The following ABTB3 variants were observed in gnomAD, a reference collection of about 807,000 sequenced individuals.
ABTB3 encodes the protein ankyrin repeat and BTB domain containing 3.
At chr12:107,360,484 C>T in the ABTB3 span, among the ~76,000 whole-genome samples, 1 of 152,150 alleles carries the variant, frequency 6.6e-6, no homozygotes, top group Non-Finnish European at 1.5e-5. Context: ...TTTCTCTAGG[C>T]TATTCTAAGC....
the ABTB3 span, chr12:107,319,867 G>C: frequency 8.0e-7 from 1 of 1,247,480 alleles, no homozygotes; most frequent in Non-Finnish European, 1.0e-6. Flanking sequence ...GCGCCAGCGG[G>C]GGCAGCAGCT....
At chr12:107,522,793 AG>A in the ABTB3 span, among the ~76,000 whole-genome samples, 3 of 95,746 alleles carry the variant, frequency 3.1e-5, no homozygotes, top group Admixed American at 2.6e-4. Context: ...GAAGGAAGGG[AG>A]GGAGGGAGGG....
the ABTB3 span, among the ~76,000 whole-genome samples, chr12:107,601,157 C>A: frequency 2.6e-5 from 4 of 152,230 alleles, no homozygotes; most frequent in Non-Finnish European, 4.4e-5. Flanking sequence ...CTATTATCAT[C>A]TTCCCTGTTT....
chr12:107,611,620 T>G, the ABTB3 span, among the ~76,000 whole-genome samples: 1 of 152,348 alleles, frequency 6.6e-6, no homozygotes, highest in South Asian at 2.1e-4. Flanking sequence ...TTTACACGAG[T>G]GTTTGTTCAA....
the ABTB3 span, among the ~76,000 whole-genome samples, chr12:107,433,692 G>A: frequency 1.3e-5 from 2 of 152,194 alleles, no homozygotes; most frequent in Non-Finnish European, 2.9e-5. Context: ...TTATGTGGGA[G>A]GTGATGGTAG....
At chr12:107,496,435 G>A in the ABTB3 span, among the ~76,000 whole-genome samples, 1 of 152,136 alleles carries the variant, frequency 6.6e-6, no homozygotes, top group Admixed American at 6.5e-5. Context: ...GAGGGCAGGG[G>A]ATATAAAGAT....
chr12:107,635,387 T>C, the ABTB3 span: 3 of 1,613,506 alleles, frequency 1.9e-6, no homozygotes, highest in Non-Finnish European at 2.5e-6. Context: ...GACCTCGCGC[T>C]TGGGTGAGTG....
the ABTB3 span, among the ~76,000 whole-genome samples, chr12:107,343,567 G>T: frequency 6.6e-6 from 1 of 152,170 alleles, no homozygotes; most frequent in African/African-American, 2.4e-5. Context: ...ACAAGGTAGG[G>T]AGTTGGTTTT....
chr12:107,356,406 G>A, the ABTB3 span, among the ~76,000 whole-genome samples: 1 of 152,160 alleles, frequency 6.6e-6, no homozygotes, highest in African/African-American at 2.4e-5. Context: ...ATACGATGAG[G>A]AGGCTGGCTG....
chr12:107,585,834 C>G, the ABTB3 span, among the ~76,000 whole-genome samples: 1 of 152,164 alleles, frequency 6.6e-6, no homozygotes, highest in Non-Finnish European at 1.5e-5. Flanking sequence ...CACAGGACAT[C>G]CTCTGTGGCC....
At chr12:107,374,403 C>T in the ABTB3 span, among the ~76,000 whole-genome samples, 8,668 of 152,262 alleles carry the variant, frequency 0.057, 357 homozygotes, top group Non-Finnish European at 0.094. Flanking sequence ...CGACTCACTC[C>T]TCTCTCCTCA....
chr12:107,353,737 C>T, the ABTB3 span, among the ~76,000 whole-genome samples: 2 of 152,098 alleles, frequency 1.3e-5, no homozygotes, highest in Non-Finnish European at 2.9e-5. Context: ...AGCTCTGCCT[C>T]CTATCGGATC....
chr12:107,416,335 GA>G, the ABTB3 span, among the ~76,000 whole-genome samples: 1 of 152,098 alleles, frequency 6.6e-6, no homozygotes, highest in Non-Finnish European at 1.5e-5. Context: ...AACTGAACTC[GA>G]ATTATTTCTG....
At chr12:107,503,596 A>G in the ABTB3 span, among the ~76,000 whole-genome samples, 3 of 151,908 alleles carry the variant, frequency 2.0e-5, no homozygotes, top group Admixed American at 1.3e-4. Context: ...CGTCTATACA[A>G]AAAATCAAAC....
chr12:107,593,399 C>G, the ABTB3 span, among the ~76,000 whole-genome samples: 6 of 152,142 alleles, frequency 3.9e-5, no homozygotes, highest in African/African-American at 1.4e-4. Flanking sequence ...GGGATTGGAA[C>G]ACTAGAAATT....
the ABTB3 span, among the ~76,000 whole-genome samples, chr12:107,448,494 G>A: frequency 6.6e-6 from 1 of 152,154 alleles, no homozygotes; most frequent in Admixed American, 6.5e-5. Flanking sequence ...AAATAAATGA[G>A]AAGAGACAAG....
the ABTB3 span, among the ~76,000 whole-genome samples, chr12:107,430,286 G>A: frequency 6.6e-6 from 1 of 152,162 alleles, no homozygotes; most frequent in African/African-American, 2.4e-5. Flanking sequence ...TTTATAAATA[G>A]CATCATGTTG....
At chr12:107,564,088 CTCTGTGTGTGTGTGTG>C in the ABTB3 span, among the ~76,000 whole-genome samples, 17 of 138,062 alleles carry the variant, frequency 1.2e-4, no homozygotes, top group East Asian at 8.6e-4. Context: ...CTATCTATCT[CTCTGTGTGTGTGTGTG>C]TGTGTGTGTG....
the ABTB3 span, among the ~76,000 whole-genome samples, chr12:107,580,058 G>GT: frequency 6.6e-6 from 1 of 152,154 alleles, no homozygotes; most frequent in Non-Finnish European, 1.5e-5. Flanking sequence ...AGTAGCATCC[G>GT]TATCAGGAAC....
Sources: gnomAD v4.1 joint callset for allele counts (sites outside exome capture counted in the v4.1 genomes callset) on GRCh38, gnomAD v4.1.1 for gene constraint, MANE v1.5 for transcripts, NCBI Gene and HGNC (gene_info 2026-07-23, HGNC 2026-07-21) for gene names.